GLT8D2: variants seen among roughly 807,000 people sequenced by gnomAD.
GLT8D2 encodes the protein glycosyltransferase 8 domain-containing protein 2.
In GLT8D2, 45 loss-of-function variants were observed where a neutral mutation model predicts 44.5. The observed-to-expected ratio is 1.01, with a 90% confidence interval of 0.80 to 1.30. The LOEUF is 1.30. Ranked by LOEUF, GLT8D2 falls within the 50% of genes most tolerant of loss-of-function variation. The probability of loss-of-function intolerance (pLI) is 0.00; values close to 1 mark genes in which losing one functional copy is unlikely to be tolerated. For missense variants in GLT8D2, 400 were observed against 430.4 expected (o/e 0.93, Z 0.62); for synonymous variants, 156 against 157.2 (o/e 0.99, Z 0.06).
chr12:104,045,937 A>AAGAAAGAGAAAG (rs68019401), intron 1 of GLT8D2, among the ~76,000 whole-genome samples: 1 of 113,566 alleles, frequency 8.8e-6, no homozygotes, highest in Non-Finnish European at 1.9e-5. Flanking sequence ...GAAAGAAAGA[A>AAGAAAGAGAAAG]AAAGAAAGAA....
At chr12:104,030,693 A>T in intron 1 of GLT8D2, 1 of 1,600,652 alleles carries the variant, frequency 6.2e-7, no homozygotes, top group Non-Finnish European at 8.5e-7. Flanking sequence ...CTCAATAGCA[A>T]AAAAACAAAT....
At position 104,003,127 on chromosome 12, in the gene GLT8D2, T is replaced by C. The variant is rs2136299653; in HGVS notation, c.284+8A>G. ...AGAAAGTGCCAAAGTCTGTAAGACA[T>C]AACTTACCGTATTCGAGTCAGAGTA... is the stretch of plus-strand genomic sequence containing the variant. On this transcript the variant is annotated splice_region_variant and intron_variant, in intron 5 of 10. Transcript: ENST00000360814. 1 of 1,612,088 alleles carries C rather than the reference T, an allele frequency of 6.2e-7. No individual in the cohort carries two copies. Among genetic ancestry groups the C allele is most frequent in the South Asian group, 1.1e-5 (1 of 91,000 alleles).
At chr12:104,016,590 T>C (rs543349431) in intron 3 of GLT8D2, among the ~76,000 whole-genome samples, 121 of 147,916 alleles carry the variant, frequency 8.2e-4, no homozygotes, top group Admixed American at 2.1e-3. Flanking sequence ...GCCGAGATCA[T>C]GCCACTGCAC....
intron 1 of GLT8D2, among the ~76,000 whole-genome samples, chr12:104,032,928 G>A (rs778604017): frequency 6.0e-5 from 9 of 148,966 alleles, no homozygotes; most frequent in Admixed American, 4.0e-4. Context: ...CACCTGGGCT[G>A]GAATGCAGTG....
intron 1 of GLT8D2, among the ~76,000 whole-genome samples, chr12:104,058,728 C>T (rs192138027): frequency 4.0e-4 from 61 of 152,206 alleles, no homozygotes; most frequent in Admixed American, 1.2e-3. Context: ...GTGTTTGATA[C>T]GGAGGAGTGG....
rs142331341 is a variant in GLT8D2 at position 104,005,961 on chromosome 12, T to C, written c.113-2655A>G. On this transcript the variant is annotated intron_variant, in intron 4 of 10. Transcript: ENST00000360814. ...ATGTTTACTGCAGCACTAATCACAATAGCAAAGACTTGGAACCAACCCAAA... is the reference window on the plus strand; with the variant it reads ...ATGTTTACTGCAGCACTAATCACAACAGCAAAGACTTGGAACCAACCCAAA... Among the ~76,000 whole-genome samples the C allele has an allele frequency of 9.7e-4, 148 of 152,188 alleles. 1 individual carries two copies. The highest frequency in any genetic ancestry group is 8.2e-4 in the Non-Finnish European group (56 of 68,018).
In GLT8D2 at chr12:104,006,135, A is replaced by G. The variant is rs542179612; in HGVS notation, c.113-2829T>C. On this transcript the variant is annotated intron_variant, in intron 4 of 10. Coordinates refer to ENST00000360814, the MANE Select transcript of GLT8D2 (RefSeq NM_001384711.1). Reference sequence around the variant, plus strand: ...ATTCTCAGCAAACTATCGCAGGGATAAAAAACCAAACACTGCATGTTCTCA... The same window carrying G: ...ATTCTCAGCAAACTATCGCAGGGATGAAAAACCAAACACTGCATGTTCTCA... Among the ~76,000 whole-genome samples, 520 of 152,082 alleles carry G rather than the reference A, an allele frequency of 3.4e-3. 4 individuals are homozygous for G. The highest frequency in any genetic ancestry group is 6.0e-3 in the Non-Finnish European group (409 of 67,996).
rs1873178999 is a variant in GLT8D2 at position 103,994,563 on chromosome 12, C to A, written c.601-62G>T. 3.4e-6 allele frequency: 5 copies of A among 1,468,950 alleles called. No individual in the cohort carries two copies. The Admixed American group carries it at 7.6e-5, about 22-fold the overall frequency. 91.0% of individuals were successfully genotyped at this position (1,468,950 alleles called of 1,614,324 possible). On this transcript the variant is annotated intron_variant, in intron 8 of 10. Transcript: ENST00000360814. Reference sequence around the variant, plus strand: ...GAATCTTTTGTTTCTGGAAAATGATCATTTTCTTGAAACCCTTGTGCAGTA... The same window carrying A: ...GAATCTTTTGTTTCTGGAAAATGATAATTTTCTTGAAACCCTTGTGCAGTA...
intron 4 of GLT8D2, among the ~76,000 whole-genome samples, chr12:104,011,971 A>G (rs906257271): frequency 1.3e-5 from 2 of 151,790 alleles, no homozygotes; most frequent in Non-Finnish European, 2.9e-5. Context: ...CAGGCGTTTG[A>G]GACCAGCTTG....
chr12:103,996,349 A>T (rs1037975462), intron 8 of GLT8D2, among the ~76,000 whole-genome samples: 3 of 152,228 alleles, frequency 2.0e-5, no homozygotes, highest in Admixed American at 6.5e-5. Flanking sequence ...TACAGAAAAC[A>T]TCATCTCTGA....
At chr12:103,991,950 G>C (rs1199576487) in intron 10 of GLT8D2, among the ~76,000 whole-genome samples, 1 of 151,988 alleles carries the variant, frequency 6.6e-6, no homozygotes, top group Non-Finnish European at 1.5e-5. Flanking sequence ...ATGGACACTT[G>C]GTAAATATAA....
intron 1 of GLT8D2, among the ~76,000 whole-genome samples, chr12:104,040,128 C>T (rs186507815): frequency 6.6e-6 from 1 of 152,212 alleles, no homozygotes; most frequent in Non-Finnish European, 1.5e-5. Context: ...CAGGGAACAT[C>T]AGACACCAGG....
chr12:104,033,097 GT>G (rs1879508111), intron 1 of GLT8D2, among the ~76,000 whole-genome samples: 2 of 152,216 alleles, frequency 1.3e-5, no homozygotes, highest in South Asian at 4.1e-4. Flanking sequence ...GGCCAGGCTG[GT>G]CTCCAACTCC....
intron 1 of GLT8D2, among the ~76,000 whole-genome samples, chr12:104,027,046 A>T (rs538402075): frequency 6.6e-6 from 1 of 152,362 alleles, no homozygotes; most frequent in South Asian, 2.1e-4. Context: ...GCTGGCAGTC[A>T]TCTAGGAAAA....
rs1877383191 is a variant in GLT8D2, at chr12:104,019,737, G to A, written c.-28-61C>T. ...GAATCAACTTAAAACTCATCAACAA[G>A]TGTTAAGGACTATGCCTTCCCTGAA... is the stretch of plus-strand genomic sequence containing the variant. On this transcript the variant is annotated intron_variant, in intron 2 of 10. Transcript: ENST00000360814. 3 of 1,110,716 alleles carry A rather than the reference G, an allele frequency of 2.7e-6. No individual in the cohort carries two copies. The East Asian group carries it at 7.3e-5, about 27-fold the overall frequency. 68.8% of individuals were successfully genotyped at this position (1,110,716 alleles called of 1,614,324 possible). A position where few individuals can be genotyped will look rare whatever the true frequency, so the allele number is the denominator to read the frequency against.
intron 1 of GLT8D2, among the ~76,000 whole-genome samples, chr12:104,048,781 G>A (rs1881427149): frequency 6.6e-6 from 1 of 152,174 alleles, no homozygotes; most frequent in African/African-American, 2.4e-5. Context: ...GCCATCATCA[G>A]CACCATCAGA....
In GLT8D2 at chr12:104,019,408, G is replaced by A. The variant is rs147797870; in HGVS notation, c.19+222C>T. Among the ~76,000 whole-genome samples the A allele has an allele frequency of 3.9e-3, 588 of 152,182 alleles. 4 individuals carry two copies. Among genetic ancestry groups the A allele is most frequent in the African/African-American group, 0.013 (542 of 41,522 alleles). On this transcript the variant is annotated intron_variant, in intron 3 of 10. Coordinates refer to ENST00000360814, the MANE Select transcript of GLT8D2 (RefSeq NM_001384711.1). ...CTCCCAAAGTGCTAGGATTACAGGC[G>A]TGAGCCAGTGCGCCCAGCCGATAAG...
At chr12:104,022,144 C>A (rs534073342) in intron 1 of GLT8D2, among the ~76,000 whole-genome samples, 1 of 151,836 alleles carries the variant, frequency 6.6e-6, no homozygotes, top group Non-Finnish European at 1.5e-5. Context: ...AGAAGAGCTG[C>A]CATATTTGTC....
intron 1 of GLT8D2, among the ~76,000 whole-genome samples, chr12:104,040,184 A>T (rs1185131420): frequency 6.6e-6 from 1 of 152,214 alleles, no homozygotes; most frequent in Non-Finnish European, 1.5e-5. Flanking sequence ...ATTAAGAGAA[A>T]TAGCTAATGT....
Sources: allele counts gnomAD v4.1 joint callset (sites outside exome capture counted in the v4.1 genomes callset), GRCh38; gene constraint gnomAD v4.1.1; transcripts MANE v1.5; gene names NCBI Gene and HGNC (gene_info 2026-07-23, HGNC 2026-07-21).